The following NBAS variants were observed in gnomAD, a reference collection of about 807,000 sequenced individuals.
NBAS encodes NBAS subunit of NRZ tethering complex, also known as NAG/BC035112 fusion.
A neutral mutation model predicts 302.5 loss-of-function variants in NBAS; 219 were observed. The observed-to-expected ratio is 0.72, with a 90% CI of 0.65 to 0.81. NBAS has a LOEUF of 0.81. Ranked by LOEUF, NBAS falls within the 30% of genes least tolerant of loss-of-function variation. NBAS has a pLI of 0.00. For missense variants in NBAS, 2,932 were observed against 2,841.6 expected, an observed-to-expected ratio of 1.03 and a Z score of -0.72; for synonymous variants, 1,118 against 1,021.6, an observed-to-expected ratio of 1.09 and a Z score of -1.80.
chr2:14,837,071 G>A, the NBAS span, among the ~76,000 whole-genome samples: 2 of 151,696 alleles, frequency 1.3e-5, no homozygotes. Flanking sequence ...AAACCTCTTA[G>A]ATTTGTTACA....
chr2:15,532,632 A>G (rs1663279185), intron 9 of NBAS, among the ~76,000 whole-genome samples: 1 of 152,136 alleles, frequency 6.6e-6, no homozygotes, highest in Non-Finnish European at 1.5e-5. Context: ...GGAAGTAAAT[A>G]AACATTGTGT....
At chr2:15,454,019 C>T (rs1026053628) in intron 21 of NBAS, among the ~76,000 whole-genome samples, 3 of 152,116 alleles carry the variant, frequency 2.0e-5, no homozygotes, top group South Asian at 2.1e-4. Flanking sequence ...CCTCATGATG[C>T]GCCCGCCTCG....
At chr2:15,548,189 G>A (rs552471224) in intron 6 of NBAS, among the ~76,000 whole-genome samples, 11 of 152,246 alleles carry the variant, frequency 7.2e-5, no homozygotes, top group Admixed American at 2.0e-4. Context: ...TAGTTCCCAA[G>A]TGCCATTACC....
At chr2:14,866,641 C>A in the NBAS span, among the ~76,000 whole-genome samples, 7 of 152,082 alleles carry the variant, frequency 4.6e-5, no homozygotes, top group Non-Finnish European at 7.4e-5. Flanking sequence ...ATATTCTTCT[C>A]ACTCACTCCA....
chr2:14,827,571 G>A, the NBAS span, among the ~76,000 whole-genome samples: 1,092 of 152,186 alleles, frequency 7.2e-3, 22 homozygotes, highest in African/African-American at 0.025. Flanking sequence ...GTGGATGAAT[G>A]GATAAAGAAA....
At chr2:15,245,443 A>G (rs1668050702) in intron 44 of NBAS, among the ~76,000 whole-genome samples, 1 of 151,324 alleles carries the variant, frequency 6.6e-6, no homozygotes, top group Non-Finnish European at 1.5e-5. Flanking sequence ...TTCCCTGACC[A>G]CTCCATGAAA....
the NBAS span, among the ~76,000 whole-genome samples, chr2:14,905,899 C>A: frequency 2.0e-5 from 3 of 152,200 alleles, no homozygotes; most frequent in Non-Finnish European, 4.4e-5. Context: ...TATCTCTAAA[C>A]TCTCAGCGCA....
At chr2:15,556,688 T>A in intron 3 of NBAS, 95 bp downstream of exon 3, 7 of 1,192,864 alleles carry the variant, frequency 5.9e-6, no homozygotes. Context: ...AACTTTATCA[T>A]GATCTAGAAT....
At chr2:14,841,264 A>G in the NBAS span, among the ~76,000 whole-genome samples, 3 of 152,008 alleles carry the variant, frequency 2.0e-5, no homozygotes, top group South Asian at 6.2e-4. Context: ...GGAAGACAGT[A>G]AGAAAGGGGG....
At chr2:14,977,635 A>G in the NBAS span, among the ~76,000 whole-genome samples, 1 of 152,232 alleles carries the variant, frequency 6.6e-6, no homozygotes, top group Non-Finnish European at 1.5e-5. Flanking sequence ...GAAAGTAGCC[A>G]TCTTAGAAAT....
chr2:15,039,286 G>GA, the NBAS span, among the ~76,000 whole-genome samples: 6 of 152,182 alleles, frequency 3.9e-5, no homozygotes, highest in Non-Finnish European at 7.3e-5. Context: ...TGAATGAGTG[G>GA]AAAATGGGGA....
rs1252237302 is a variant in NBAS at position 15,235,766 on chromosome 2, G to A, written c.5944-1019C>T. On this transcript the variant is annotated intron_variant, in intron 45 of 51. Coordinates refer to ENST00000281513, the MANE Select transcript of NBAS (RefSeq NM_015909.4). Reference sequence around the variant, plus strand: ...AGCGGTATGCATGAAGATTGGGCACGTTCTGACAGTTGTTGAAGCTGGGAG... The same window carrying A: ...AGCGGTATGCATGAAGATTGGGCACATTCTGACAGTTGTTGAAGCTGGGAG... Among the ~76,000 whole-genome samples, 6 of 152,134 alleles carry A rather than the reference G, an allele frequency of 3.9e-5. No homozygotes were observed. The East Asian group carries it at 5.8e-4, about 15-fold the overall frequency.
chr2:15,336,032 G>A, intron 35 of NBAS, among the ~76,000 whole-genome samples: 1 of 151,550 alleles, frequency 6.6e-6, no homozygotes, highest in East Asian at 1.9e-4. Context: ...GGAGGTTAAG[G>A]CTACTGTGAG....
chr2:14,938,552 GACTA>G, the NBAS span, among the ~76,000 whole-genome samples: 1 of 152,126 alleles, frequency 6.6e-6, no homozygotes, highest in Non-Finnish European at 1.5e-5. Context: ...TTCTCTAGAA[GACTA>G]ACTATGATTT....
At chr2:15,171,646 C>T (rs954693636) in intron 51 of NBAS, among the ~76,000 whole-genome samples, 4 of 152,160 alleles carry the variant, frequency 2.6e-5, no homozygotes, top group Admixed American at 6.5e-5. Flanking sequence ...TGCAGTGTTA[C>T]GGGCTGAACT....
chr2:14,908,358 G>A, the NBAS span, among the ~76,000 whole-genome samples: 3 of 152,130 alleles, frequency 2.0e-5, no homozygotes, highest in African/African-American at 4.8e-5. Flanking sequence ...GCGAGACTCC[G>A]TCTCAAAATA....
rs151114888 is a variant in NBAS at position 15,511,284 on chromosome 2, A to G, written c.813T>C (p.Leu271=). 5.6e-6 allele frequency: 9 copies of G among 1,613,978 alleles called. No individual in the cohort carries two copies. Among genetic ancestry groups the G allele is most frequent in the Non-Finnish European group, 7.6e-6 (9 of 1,179,976 alleles). Residue 271 remains leucine, a synonymous_variant, in exon 10 of 52, where the codon CTT becomes CTC. Transcript: ENST00000281513. Reference sequence around the variant, plus strand: ...ATCCTGAAAGAACTCTCCAGGCAGAAAGGCCACAGCTAGAAGCTTTTGACA... The same window carrying G: ...ATCCTGAAAGAACTCTCCAGGCAGAGAGGCCACAGCTAGAAGCTTTTGACA... ...VGMSKASSCG[L]SAWRVLSGSP...
intron 13 of NBAS, 68 bp from the exon 14 acceptor site, chr2:15,475,948 A>G: frequency 8.0e-7 from 1 of 1,244,700 alleles, no homozygotes; most frequent in South Asian, 1.5e-5. Context: ...AATATTTAGT[A>G]TAATAATCAA....
chr2:14,889,537 A>G, the NBAS span, among the ~76,000 whole-genome samples: 42 of 152,096 alleles, frequency 2.8e-4, no homozygotes, highest in African/African-American at 8.2e-4. Context: ...AGAACAGATT[A>G]CTGCGATTTT....
Sources: gnomAD v4.1 joint callset for allele counts (sites outside exome capture counted in the v4.1 genomes callset) on GRCh38, gnomAD v4.1.1 for gene constraint, MANE v1.5 for transcripts, NCBI Gene and HGNC (gene_info 2026-07-23, HGNC 2026-07-21) for gene names.